CALN1: variants seen among roughly 807,000 people sequenced by gnomAD.
CALN1 encodes calneuron 1.
In CALN1, 17 loss-of-function variants were observed where a neutral mutation model predicts 30.6. That is an observed-to-expected ratio of 0.56 (90% CI 0.38 to 0.83). The LOEUF is 0.83. CALN1 is among the 40% of genes least tolerant of loss of function. The pLI is 0.00. For missense variants in CALN1, 291 were observed against 354.9 expected (o/e 0.82, Z 1.45); for synonymous variants, 156 against 131.4 (o/e 1.19, Z -1.28).
chr7:72,315,712 A>C (rs1383290916), intron 2 of CALN1, among the ~76,000 whole-genome samples: 1 of 152,148 alleles, frequency 6.6e-6, no homozygotes, highest in Non-Finnish European at 1.5e-5. Context: ...CTCTAAAAAA[A>C]AAAAAAATTT....
chr7:71,895,528 CA>C, intron 5 of CALN1, among the ~76,000 whole-genome samples: 1 of 152,282 alleles, frequency 6.6e-6, no homozygotes, highest in South Asian at 2.1e-4. Flanking sequence ...AAGCACCTCT[CA>C]TGTATCACCT....
chr7:72,411,424 A>G (rs530781445), intron 1 of CALN1, among the ~76,000 whole-genome samples: 4 of 152,354 alleles, frequency 2.6e-5, no homozygotes, highest in African/African-American at 9.6e-5. Flanking sequence ...AAGAGCTGTA[A>G]ATATAACAAT....
chr7:71,869,529 C>T (rs1266484480), intron 5 of CALN1, among the ~76,000 whole-genome samples: 1 of 152,106 alleles, frequency 6.6e-6, no homozygotes, highest in Non-Finnish European at 1.5e-5. Flanking sequence ...CCTTTAAATA[C>T]TGGCTTATGG....
chr7:71,959,371 G>C (rs1797123157), intron 5 of CALN1, among the ~76,000 whole-genome samples: 1 of 152,196 alleles, frequency 6.6e-6, no homozygotes, highest in Admixed American at 6.5e-5. Flanking sequence ...GGAGAATCCA[G>C]ACTTGGTTGT....
intron 1 of CALN1, among the ~76,000 whole-genome samples, chr7:72,404,763 C>T (rs1283902601): frequency 6.6e-6 from 1 of 152,156 alleles, no homozygotes; most frequent in African/African-American, 2.4e-5. Flanking sequence ...CAAAAAATGA[C>T]TGTAGAAAGC....
intron 3 of CALN1, among the ~76,000 whole-genome samples, chr7:72,125,125 T>C (rs1257637982): frequency 6.6e-6 from 1 of 152,020 alleles, no homozygotes; most frequent in Admixed American, 6.6e-5. Flanking sequence ...GCCTCCCAGG[T>C]TCAAGCGATT....
intron 5 of CALN1, among the ~76,000 whole-genome samples, chr7:71,823,885 A>C (rs1403643277): frequency 6.6e-6 from 1 of 152,158 alleles, no homozygotes; most frequent in Non-Finnish European, 1.5e-5. Flanking sequence ...GGCAGGTAAG[A>C]GAGAGAACTT....
intron 5 of CALN1, among the ~76,000 whole-genome samples, chr7:72,023,429 C>A (rs1349251283): frequency 1.3e-5 from 2 of 151,982 alleles, no homozygotes; most frequent in Non-Finnish European, 2.9e-5. Flanking sequence ...AGAATAATTT[C>A]ATTTTTCCCT....
chr7:72,411,778 G>A (rs1018036724), intron 1 of CALN1, among the ~76,000 whole-genome samples: 2 of 151,648 alleles, frequency 1.3e-5, no homozygotes, highest in Non-Finnish European at 2.9e-5. Context: ...TAATTGCTAA[G>A]GAATAAAGTA....
intron 1 of CALN1, among the ~76,000 whole-genome samples, chr7:72,405,846 A>G (rs1806660418): frequency 6.6e-6 from 1 of 152,170 alleles, no homozygotes; most frequent in Non-Finnish European, 1.5e-5. Context: ...CCATATGCAA[A>G]AACTTCTGAA....
intron 1 of CALN1, among the ~76,000 whole-genome samples, chr7:72,438,964 A>C (rs1186849239): frequency 1.3e-5 from 2 of 152,356 alleles, no homozygotes; most frequent in East Asian, 3.9e-4. Context: ...AAGAAAATAC[A>C]GTTGAACCTC....
At chr7:71,927,809 G>T (rs1795343808) in intron 5 of CALN1, among the ~76,000 whole-genome samples, 1 of 152,152 alleles carries the variant, frequency 6.6e-6, no homozygotes. Context: ...CTGTAATTCT[G>T]ATCCTCCTCT....
chr7:72,242,761 G>T (rs1385987659), intron 3 of CALN1, among the ~76,000 whole-genome samples: 1 of 152,100 alleles, frequency 6.6e-6, no homozygotes, highest in Non-Finnish European at 1.5e-5. Context: ...GGTGGCATGT[G>T]CCTGTAATCC....
intron 3 of CALN1, among the ~76,000 whole-genome samples, chr7:72,136,186 T>A (rs1440355627): frequency 9.6e-6 from 1 of 104,144 alleles, no homozygotes; most frequent in African/African-American, 4.3e-5. Flanking sequence ...TGGTTTTTTC[T>A]GCATTGAAAA....
chr7:72,412,009 G>A (rs976060293), intron 1 of CALN1, 49 bp downstream of exon 1: 46 of 152,250 alleles, frequency 3.0e-4, no homozygotes, highest in African/African-American at 9.4e-4. Flanking sequence ...GGCCCAGCTG[G>A]GAACTGCATG....
At chr7:71,828,897 C>T (rs1207468569) in intron 5 of CALN1, among the ~76,000 whole-genome samples, 1 of 151,828 alleles carries the variant, frequency 6.6e-6, no homozygotes, top group Non-Finnish European at 1.5e-5. Context: ...TACAGGCACA[C>T]ACCACCACAC....
At chr7:72,079,863 T>C (rs1261342266) in intron 4 of CALN1, among the ~76,000 whole-genome samples, 1 of 145,486 alleles carries the variant, frequency 6.9e-6, no homozygotes. Flanking sequence ...CTCCACCTCC[T>C]GGGTTCAAAT....
chr7:72,342,273 A>T (rs1802420675), intron 2 of CALN1, among the ~76,000 whole-genome samples: 1 of 151,746 alleles, frequency 6.6e-6, no homozygotes. Context: ...AAAAAAAAAA[A>T]AAATCAGAAA....
At chr7:72,338,469 CAG>C (rs1491294846) in intron 2 of CALN1, among the ~76,000 whole-genome samples, 43 of 41,984 alleles carry the variant, frequency 1.0e-3, no homozygotes, top group African/African-American at 3.1e-3. Context: ...GCCAGCAGCA[CAG>C]TGTGTGTGTG....
Sources: gnomAD v4.1 joint callset for allele counts (sites outside exome capture counted in the v4.1 genomes callset) on GRCh38, gnomAD v4.1.1 for gene constraint, MANE v1.5 for transcripts, NCBI Gene and HGNC (gene_info 2026-07-23, HGNC 2026-07-21) for gene names.